Variants in BAIAP2L2 observed in about 807,000 individuals in gnomAD.
BAIAP2L2 encodes BAR/IMD domain containing adaptor protein 2 like 2.
Under a neutral mutation model 60.4 loss-of-function variants are expected in BAIAP2L2, and 65 were observed. The ratio of observed to expected loss-of-function variants is 1.08; its 90% CI spans 0.88 to 1.32. The LOEUF is 1.32. BAIAP2L2 is among the 40% of genes most tolerant of loss of function. BAIAP2L2 has a pLI of 0.00. For missense variants in BAIAP2L2, 836 were observed against 741.2 expected, an observed-to-expected ratio of 1.13 and a Z score of -1.48; for synonymous variants, 344 against 301.7, an observed-to-expected ratio of 1.14 and a Z score of -1.45.
Position 38,102,152 on chromosome 22 carries a change from A to C in BAIAP2L2, c.277-3670T>G, listed in dbSNP as rs565275647. On this transcript the variant is annotated intron_variant, in intron 4 of 13. Transcript: ENST00000381669. ...AAACTCCAAGGAGTTTGTGAGTCCA[A>C]AGGGTGAAGGTAAGAGGTCCCTGGT... is the stretch of plus-strand genomic sequence containing the variant. Among the ~76,000 whole-genome samples, 5 of 152,198 alleles carry C rather than the reference A, an allele frequency of 3.3e-5. No homozygotes were observed. The South Asian group carries it at 1.0e-3, about 32-fold the overall frequency.
chr22:38,085,117 T>C lies in BAIAP2L2; in HGVS notation c.*183A>G. The stretch of plus-strand genomic sequence containing the variant: ...CATTCCGCCTGCTTTACTTTGAAGG[T>C]CTCGGACCCCAAGCCAGTGCTTTGG... On this transcript the variant is annotated 3_prime_UTR_variant, in exon 14 of 14. Transcript: ENST00000381669. The C allele has an allele frequency of 1.7e-6, 1 of 594,862 alleles. No homozygotes were observed. The highest frequency in any genetic ancestry group is 1.9e-5 in the South Asian group (1 of 51,464). The allele number at this position is 594,862 out of a possible 1,614,324, so 36.8% of individuals were successfully genotyped here. A position where few individuals can be genotyped will look rare whatever the true frequency, so the allele number is the denominator to read the frequency against.
rs3747168 is a variant in BAIAP2L2 at position 38,087,240 on chromosome 22, G to C, written c.1143C>G (p.Tyr381Ter). Residue 381 changes from tyrosine to a stop codon, truncating the protein, a stop_gained, in exon 11 of 14, where the codon TAC (tyrosine) becomes TAG (stop). Transcript: ENST00000381669. LOFTEE classifies it high-confidence loss of function. Reference protein sequence around the residue: ...SSASGWFPEAYVKALEEGPVN... With the variant: ...SSASGWFPEA The stretch of plus-strand genomic sequence containing the variant: ...CGGGCCCCTCCTCCAGAGCCTTCAC[G>C]TACGCCTCGGGGAACCAACCGCTCC... 3.0e-5 allele frequency: 49 copies of C among 1,606,712 alleles called. No individual in the cohort carries two copies. Among genetic ancestry groups the C allele is most frequent in the Non-Finnish European group, 4.2e-5 (49 of 1,176,926 alleles).
At chr22:38,110,128 A>G (rs965007264) in intron 1 of BAIAP2L2, among the ~76,000 whole-genome samples, 8 of 100,784 alleles carry the variant, frequency 7.9e-5, no homozygotes, top group Non-Finnish European at 8.9e-5. Context: ...AGGGAGAGAG[A>G]GAGAGAGAGA....
At chr22:38,107,754 C>G (rs2086693843) in intron 4 of BAIAP2L2, 98 bp downstream of exon 4, 1 of 1,180,684 alleles carries the variant, frequency 8.5e-7, no homozygotes, top group Non-Finnish European at 1.3e-6. Flanking sequence ...CCACGGTCAT[C>G]CTCCCTGGGA....
At position 38,098,432 on chromosome 22, in the gene BAIAP2L2, C is replaced by T. The variant is rs1356884619; in HGVS notation, c.327G>A (p.Lys109=). ...TCACTTTGATGAACTGCATGTCCAGCTTGGTGTTCTTCTCCATGTGCTGCA... is the reference window on the plus strand; with the variant it reads ...TCACTTTGATGAACTGCATGTCCAGTTTGGTGTTCTTCTCCATGTGCTGCA... The part of the protein sequence containing the change: ...GLLQHMEKNT[K]LDMQFIKDSR... The change falls in exon 5 of 14, where the codon AAG becomes AAA. Residue 109 remains lysine, a synonymous_variant. Transcript: ENST00000381669. The T allele has an allele frequency of 1.9e-6, 3 of 1,613,932 alleles. No homozygotes were observed.
intron 7 of BAIAP2L2, among the ~76,000 whole-genome samples, chr22:38,095,414 G>C (rs1305321774): frequency 6.6e-6 from 1 of 152,064 alleles, no homozygotes; most frequent in African/African-American, 2.4e-5. Context: ...GCCCAGACTG[G>C]AGTGCAGTGG....
chr22:38,108,900 T>C, intron 2 of BAIAP2L2, among the ~76,000 whole-genome samples: 1 of 151,462 alleles, frequency 6.6e-6, no homozygotes. Flanking sequence ...TGGAGGCACC[T>C]GAAGGAGGGG....
chr22:38,085,395 A>G lies in BAIAP2L2; in HGVS notation c.1515-20T>C, dbSNP rs575122340. On this transcript the variant is annotated intron_variant, in intron 13 of 13. Coordinates refer to ENST00000381669, the MANE Select transcript of BAIAP2L2 (RefSeq NM_025045.6). The stretch of plus-strand genomic sequence containing the variant: ...GTGCCCCTGTAGGAGGAGAGAGAGA[A>G]TGGGGTGAGAAGGGCAGATGATCCC... 6 of 1,608,608 alleles carry G rather than the reference A, an allele frequency of 3.7e-6. No individual in the cohort carries two copies. In the African/African-American group the frequency reaches 8.0e-5, roughly 21 times the overall value.
chr22:38,088,916 C>T lies in BAIAP2L2; in HGVS notation c.950G>A (p.Gly317Asp), dbSNP rs1266608796. 3 of 1,555,018 alleles carry T rather than the reference C, an allele frequency of 1.9e-6. No homozygotes were observed. The South Asian group carries it at 3.5e-5, about 18-fold the overall frequency. ...GCCCCCGCCGCCGCCCGGGCGCTCG[C>T]CAAAGGAGTTGGAGCGCGAGCTTTG... ...SAQSSRSNSF[G>D]ERPGGGGGAR... The change falls in exon 10 of 14, where the codon GGC becomes GAC. Residue 317 changes from glycine to aspartate, a missense_variant. Transcript: ENST00000381669.
rs2086200294 is a variant in BAIAP2L2 at position 38,089,162 on chromosome 22, G to A, written c.835C>T (p.Pro279Ser). Residue 279 changes from proline to serine, a missense_variant, in exon 9 of 14, where the codon CCC becomes TCC. By Grantham distance (74) the Pro-to-Ser change is moderately conservative. Transcript: ENST00000381669. ...AGCTGGGACGCGGGCCTCGCGTCGG[G>A]CTCGGTGCCGTAGGAGCCGGAGCCG... ...RHGSGSYGTE[P>S]DARPASQLEP... 2 of 1,338,038 alleles carry A rather than the reference G, an allele frequency of 1.5e-6. 1 individual carries two copies. The highest frequency in any genetic ancestry group is 5.2e-4 in the Middle Eastern group (2 of 3,840). 82.9% of individuals were successfully genotyped at this position (1,338,038 alleles called of 1,614,324 possible). A position where few individuals can be genotyped will look rare whatever the true frequency, so the allele number is the denominator to read the frequency against.
Position 38,098,059 on chromosome 22 carries a change from G to C in BAIAP2L2, c.465+4C>G. On this transcript the variant is annotated splice_donor_region_variant and intron_variant, in intron 6 of 13. Transcript: ENST00000381669. ...GGCCCACCCCCGCTTCCCGGCCCTCGCACCTTCATCTCCCGCACGTTCTTG... is the reference window on the plus strand; with the variant it reads ...GGCCCACCCCCGCTTCCCGGCCCTCCCACCTTCATCTCCCGCACGTTCTTG... 1.6e-6 allele frequency: 2 copies of C among 1,267,884 alleles called. No individual in the cohort carries two copies. Among genetic ancestry groups the C allele is most frequent in the Non-Finnish European group, 2.1e-6 (2 of 933,000 alleles). 78.5% of individuals were successfully genotyped at this position (1,267,884 alleles called of 1,614,324 possible).
Position 38,098,365 on chromosome 22 carries a change from T to A in BAIAP2L2, c.348+46A>T, listed in dbSNP as rs780442026. On this transcript the variant is annotated intron_variant, in intron 5 of 13. Transcript: ENST00000381669. ...CCTACCTGTCAAATGGGAGAGGGGG[T>A]CCTGCCTGCAGTGAGTTGGGGGCCG... 7.6e-6 allele frequency: 12 copies of A among 1,578,034 alleles called. No individual in the cohort carries two copies. In the East Asian group the frequency reaches 1.8e-4, roughly 24 times the overall value.
At chr22:38,089,066 C>CT in intron 9 of BAIAP2L2, 30 bp downstream of exon 9, 1 of 1,381,176 alleles carries the variant, frequency 7.2e-7, no homozygotes, top group Non-Finnish European at 9.3e-7. Flanking sequence ...TCTCCCGGCC[C>CT]TCCTGCCGCC....
chr22:38,088,871 A>C lies in BAIAP2L2; in HGVS notation c.995T>G (p.Leu332Arg), dbSNP rs1488787780. 1 of 1,592,674 alleles carries C rather than the reference A, an allele frequency of 6.3e-7. No individual in the cohort carries two copies. The highest frequency in any genetic ancestry group is 1.1e-5 in the South Asian group (1 of 89,834). Residue 332 changes from leucine to arginine, a missense_variant, in exon 10 of 14, where the codon CTG becomes CGG. By Grantham distance (102) the Leu-to-Arg change is moderately radical. Coordinates refer to ENST00000381669, the MANE Select transcript of BAIAP2L2 (RefSeq NM_025045.6). ...GTTGGCGCCCTCCGAGTGGGAGACC[A>C]GGGCGCGGACTCTCCTGGCGCCCCC... ...GGGGARRVRA[L>R]VSHSEGANHT...
At chr22:38,087,548 G>A (rs1487074085) in intron 10 of BAIAP2L2, among the ~76,000 whole-genome samples, 1 of 152,014 alleles carries the variant, frequency 6.6e-6, no homozygotes, top group African/African-American at 2.4e-5. Context: ...TCTATCCTCA[G>A]GTCCCCAAGG....
chr22:38,089,080 G>A lies in BAIAP2L2; in HGVS notation c.901+16C>T, dbSNP rs762943762. ...CTCTCCCGGCCCTCCTGCCGCCCCG[G>A]GGCGGGGGCACTCACAGGCCGACGG... is the stretch of plus-strand genomic sequence containing the variant. On this transcript the variant is annotated intron_variant, in intron 9 of 13. Transcript: ENST00000381669. 30 of 1,381,654 alleles carry A rather than the reference G, an allele frequency of 2.2e-5. No homozygotes were observed. The African/African-American group carries it at 4.0e-4, about 18-fold the overall frequency. 85.6% of individuals were successfully genotyped at this position (1,381,654 alleles called of 1,614,324 possible).
intron 4 of BAIAP2L2, among the ~76,000 whole-genome samples, chr22:38,105,033 T>C (rs2086636262): frequency 6.6e-6 from 1 of 152,150 alleles, no homozygotes; most frequent in African/African-American, 2.4e-5. Flanking sequence ...TACGCTCTAA[T>C]CTGTTCAGCA....
Position 38,098,062 on chromosome 22 carries a change from C to T in BAIAP2L2, c.465+1G>A, listed in dbSNP as rs774617806. 1 of 1,611,138 alleles carries T rather than the reference C, an allele frequency of 6.2e-7. No homozygotes were observed. Among genetic ancestry groups the T allele is most frequent in the Non-Finnish European group, 8.5e-7 (1 of 1,178,780 alleles). ...CCACCCCCGCTTCCCGGCCCTCGCACCTTCATCTCCCGCACGTTCTTGTCT... is the reference window on the plus strand; with the variant it reads ...CCACCCCCGCTTCCCGGCCCTCGCATCTTCATCTCCCGCACGTTCTTGTCT... On this transcript the variant is annotated splice_donor_variant, in intron 6 of 13. Coordinates refer to ENST00000381669, the MANE Select transcript of BAIAP2L2 (RefSeq NM_025045.6). LOFTEE classifies it high-confidence loss of function.
In BAIAP2L2 at chr22:38,097,048, A is replaced by T; in HGVS notation, c.596T>A (p.Leu199Gln). ...EKHLLLSNTF[L>Q]QFFGRARGML... The stretch of plus-strand genomic sequence containing the variant: ...CCAACTCACCCGGCCGAAGAACTGC[A>T]GGAAGGTGTTGGAAAGTAGCAGGTG... Residue 199 changes from leucine to glutamine, a missense_variant, in exon 7 of 14, where the codon CTG (leucine) becomes CAG (glutamine). Coordinates refer to ENST00000381669, the MANE Select transcript of BAIAP2L2 (RefSeq NM_025045.6). 6.2e-7 allele frequency: 1 copy of T among 1,613,440 alleles called. No individual in the cohort carries two copies.
Sources: gnomAD v4.1 joint callset for allele counts (sites outside exome capture counted in the v4.1 genomes callset) on GRCh38, gnomAD v4.1.1 for gene constraint, MANE v1.5 for transcripts, NCBI Gene and HGNC (gene_info 2026-07-23, HGNC 2026-07-21) for gene names.